Variants in TRPC4 observed in about 807,000 individuals in gnomAD.
TRPC4 encodes transient receptor potential cation channel subfamily C member 4, also known as short transient receptor potential channel 4.
In TRPC4, 49 loss-of-function variants were observed where a neutral mutation model predicts 99.4. That is an observed-to-expected ratio of 0.49 (90% CI 0.39 to 0.63). TRPC4 has a LOEUF of 0.63. Ranked by LOEUF, TRPC4 falls within the 20% of genes least tolerant of loss-of-function variation. The probability of loss-of-function intolerance (pLI) is 0.00; values close to 1 mark genes in which losing one functional copy is unlikely to be tolerated. For missense variants in TRPC4, 898 were observed against 1,152.9 expected, an observed-to-expected ratio of 0.78 and a Z score of 3.20; for synonymous variants, 454 against 425.9, an observed-to-expected ratio of 1.07 and a Z score of -0.81.
At chr13:37,727,258 T>C (rs1955095468) in intron 3 of TRPC4, among the ~76,000 whole-genome samples, 1 of 151,964 alleles carries the variant, frequency 6.6e-6, no homozygotes, top group Non-Finnish European at 1.5e-5. Flanking sequence ...GAGGATGAAG[T>C]TGGAAGTCAA....
intron 2 of TRPC4, among the ~76,000 whole-genome samples, chr13:37,770,796 G>A (rs372833719): frequency 2.1e-4 from 32 of 151,434 alleles, no homozygotes; most frequent in South Asian, 2.1e-4. Flanking sequence ...AAAATATTTC[G>A]TATTGATTCC....
In TRPC4 at chr13:37,746,235, T is replaced by C. The variant is rs2139164799; in HGVS notation, c.599A>G (p.Tyr200Cys). The change falls in exon 3 of 11, where the codon TAC becomes TGC. Residue 200 changes from tyrosine (Y) to cysteine (C), a missense_variant. Coordinates refer to ENST00000379705, the MANE Select transcript of TRPC4 (RefSeq NM_016179.4). ...GAGAGAGGGACTGGCCAAGGCCTTG[T>C]AGATGTTGAGTCTGGAGCGTGAGTG... is the stretch of plus-strand genomic sequence containing the variant. ...LRHSRSRLNI[Y>C]KALASPSLIA... 8 of 1,613,846 alleles carry C rather than the reference T, an allele frequency of 5.0e-6. No homozygotes were observed. The highest frequency in any genetic ancestry group is 5.9e-6 in the Non-Finnish European group (7 of 1,179,884).
chr13:37,693,449 A>G (rs1466875152), intron 3 of TRPC4, among the ~76,000 whole-genome samples: 3 of 152,190 alleles, frequency 2.0e-5, no homozygotes. Context: ...AGTTCTGTTG[A>G]CATCATAAAA....
Position 37,634,491 on chromosome 13 carries a change from A to G in TRPC4, c.*2412T>C, listed in dbSNP as rs1163070877. Among the ~76,000 whole-genome samples the G allele has an allele frequency of 6.6e-6, 1 of 152,060 alleles. No homozygotes were observed. Among genetic ancestry groups the G allele is most frequent in the East Asian group, 1.9e-4 (1 of 5,186 alleles). On this transcript the variant is annotated 3_prime_UTR_variant, in exon 11 of 11. Coordinates refer to ENST00000379705, the MANE Select transcript of TRPC4 (RefSeq NM_016179.4). ...TGAAAAGGAGGGTCTTACTTGCTCC[A>G]AATACATTCCTCTATTACCATCATG...
At chr13:37,751,906 A>G (rs1955941296) in intron 2 of TRPC4, among the ~76,000 whole-genome samples, 3 of 151,500 alleles carry the variant, frequency 2.0e-5, no homozygotes. Flanking sequence ...AATACACAGA[A>G]AAATAAGAAA....
intron 3 of TRPC4, among the ~76,000 whole-genome samples, chr13:37,728,279 A>C (rs1469001415): frequency 6.6e-6 from 1 of 152,040 alleles, no homozygotes; most frequent in East Asian, 1.9e-4. Context: ...TCTTATATGC[A>C]GAAAACCCTG....
At chr13:37,850,573 A>T (rs1320972914) in intron 1 of TRPC4, among the ~76,000 whole-genome samples, 1 of 152,186 alleles carries the variant, frequency 6.6e-6, no homozygotes, top group Non-Finnish European at 1.5e-5. Flanking sequence ...CTACTGTGCC[A>T]TAAGAATATA....
rs117446903 is a variant in TRPC4 at position 37,744,061 on chromosome 13, A to G, written c.897+1876T>C. 3.1e-4 allele frequency among the ~76,000 whole-genome samples: 47 copies of G among 152,264 alleles called. No homozygotes were observed. In the East Asian group the frequency reaches 7.7e-3, roughly 25 times the overall value. ...ATTTCATGAATTGTACATCTTGGGA[A>G]CTTTACTCCATTCAACATTTGTAGG... On this transcript the variant is annotated intron_variant, in intron 3 of 10. Transcript: ENST00000379705.
At chr13:37,680,155 A>G (rs2985157) in intron 4 of TRPC4, among the ~76,000 whole-genome samples, 151,174 of 152,340 alleles carry the variant, frequency 0.99, 75,017 homozygotes, top group Middle Eastern at 1. Flanking sequence ...GTGCTTCAGA[A>G]GACAGAATGA....
Position 37,655,732 on chromosome 13 carries a change from C to T in TRPC4, c.1689-449G>A, listed in dbSNP as rs192738307. 2.6e-5 allele frequency among the ~76,000 whole-genome samples: 4 copies of T among 152,106 alleles called. No individual in the cohort carries two copies. The East Asian group carries it at 7.7e-4, about 29-fold the overall frequency. On this transcript the variant is annotated intron_variant, in intron 6 of 10. Transcript: ENST00000379705. ...TCATTCATTTATGCATTTTCTATAG[C>T]TTCTTTTGTGCTACAATGGCAGAAG...
At chr13:37,843,478 C>A (rs1443815929) in intron 1 of TRPC4, among the ~76,000 whole-genome samples, 1 of 152,084 alleles carries the variant, frequency 6.6e-6, no homozygotes, top group East Asian at 1.9e-4. Context: ...CTTTAAGTTT[C>A]AATGCAGTAA....
intron 2 of TRPC4, among the ~76,000 whole-genome samples, chr13:37,754,333 C>A (rs1443977854): frequency 2.0e-5 from 3 of 152,070 alleles, no homozygotes; most frequent in Non-Finnish European, 4.4e-5. Context: ...TCATTGTAGG[C>A]ACTCAATAAC....
intron 6 of TRPC4, among the ~76,000 whole-genome samples, chr13:37,659,056 T>G (rs1952343497): frequency 6.6e-6 from 1 of 152,192 alleles, no homozygotes; most frequent in African/African-American, 2.4e-5. Context: ...AGTAAAGTGT[T>G]AATGGGGGAT....
intron 4 of TRPC4, among the ~76,000 whole-genome samples, chr13:37,688,631 C>T (rs1408207044): frequency 2.0e-5 from 3 of 152,000 alleles, no homozygotes; most frequent in Non-Finnish European, 4.4e-5. Flanking sequence ...TCTCATACAT[C>T]AAGAAATTAT....
intron 8 of TRPC4, among the ~76,000 whole-genome samples, chr13:37,649,632 G>T (rs2138598259): frequency 6.6e-6 from 1 of 151,150 alleles, no homozygotes; most frequent in East Asian, 2.0e-4. Context: ...TACTCGGGAG[G>T]CTGAGGCAGG....
rs574560189 is a variant in TRPC4, at chr13:37,683,427, C to A, written c.1234+8572G>T. Among the ~76,000 whole-genome samples, 13 of 152,174 alleles carry A rather than the reference C, an allele frequency of 8.5e-5. No individual in the cohort carries two copies. The South Asian group carries it at 2.7e-3, about 32-fold the overall frequency. ...AAAGGCTGGGTTTGAGCCTTCTTGC[C>A]AGGACTCAAGAGGGATTTGTTAGGG... On this transcript the variant is annotated intron_variant, in intron 4 of 10. Transcript: ENST00000379705.
chr13:37,655,964 C>A (rs189194123), intron 6 of TRPC4, among the ~76,000 whole-genome samples: 18 of 152,200 alleles, frequency 1.2e-4, no homozygotes, highest in Non-Finnish European at 2.2e-4. Flanking sequence ...ATAATTACTA[C>A]AGATTTCTAT....
Position 37,809,321 on chromosome 13 carries a change from C to T in TRPC4, c.-27-25961G>A, listed in dbSNP as rs571790962. ...AATAGAAATAGAAAACTTTCTTTCC[C>T]TAAGTTGTTACTTTTCTAATTTTAT... On this transcript the variant is annotated intron_variant, in intron 1 of 10. Coordinates refer to ENST00000379705, the MANE Select transcript of TRPC4 (RefSeq NM_016179.4). Among the ~76,000 whole-genome samples the T allele has an allele frequency of 5.1e-4, 77 of 152,112 alleles. 1 individual carries two copies. The highest frequency in any genetic ancestry group is 1.8e-3 in the African/African-American group (75 of 41,528).
intron 3 of TRPC4, among the ~76,000 whole-genome samples, chr13:37,708,126 T>C (rs955505328): frequency 6.6e-6 from 1 of 152,144 alleles, no homozygotes; most frequent in African/African-American, 2.4e-5. Flanking sequence ...GTAAATAGAA[T>C]TAAAATCTTA....
Sources: allele counts gnomAD v4.1 joint callset (sites outside exome capture counted in the v4.1 genomes callset), GRCh38; gene constraint gnomAD v4.1.1; transcripts MANE v1.5; gene names NCBI Gene and HGNC (gene_info 2026-07-23, HGNC 2026-07-21).